Variants in CDH23 observed in about 807,000 individuals in gnomAD.
CDH23 encodes cadherin related 23, also known as cadherin-23.
A neutral mutation model predicts 317.1 loss-of-function variants in CDH23; 189 were observed. The ratio of observed to expected loss-of-function variants is 0.60; its 90% confidence interval spans 0.53 to 0.67. The LOEUF (loss-of-function observed/expected upper bound fraction) is 0.67. CDH23 is among the 30% of genes least tolerant of loss of function. The pLI, the probability that CDH23 is intolerant of heterozygous loss-of-function variation, is 0.00. For missense variants in CDH23, 4,401 were observed against 4,592.4 expected, an observed-to-expected ratio of 0.96 and a Z score of 1.20; for synonymous variants, 1,839 against 1,876.8, an observed-to-expected ratio of 0.98 and a Z score of 0.52.
At chr10:71,489,254 C>G (rs1018522162) in intron 3 of CDH23, among the ~76,000 whole-genome samples, 2 of 152,158 alleles carry the variant, frequency 1.3e-5, no homozygotes, top group Non-Finnish European at 2.9e-5. Flanking sequence ...CTTAGCCTTT[C>G]TGTTGTATTT....
At chr10:71,497,603 G>A (rs1245122574) in intron 3 of CDH23, among the ~76,000 whole-genome samples, 1 of 152,206 alleles carries the variant, frequency 6.6e-6, no homozygotes, top group African/African-American at 2.4e-5. Context: ...TTGGGAGCCG[G>A]GTTGGGTCTT....
At chr10:71,801,066 A>T (rs1451541116) in intron 53 of CDH23, among the ~76,000 whole-genome samples, 3 of 151,788 alleles carry the variant, frequency 2.0e-5, no homozygotes, top group Non-Finnish European at 4.4e-5. Context: ...GCCCAGTATC[A>T]CCATAGTGTC....
In CDH23 at chr10:71,686,699, C is replaced by A. The variant is rs892183436; in HGVS notation, c.1987-948C>A. ...CCAAAGACTGTAACATAAAGACTGC[C>A]CAACGGTGCCGGGACTCAGCCTGAC... On this transcript the variant is annotated intron_variant, in intron 18 of 69. Coordinates refer to ENST00000224721, the MANE Select transcript of CDH23 (RefSeq NM_022124.6). Among the ~76,000 whole-genome samples the A allele has an allele frequency of 3.3e-5, 5 of 152,206 alleles. No homozygotes were observed. The South Asian group carries it at 1.0e-3, about 32-fold the overall frequency.
At chr10:71,510,334 A>T in intron 4 of CDH23, 110 bp downstream of exon 4, 1 of 1,220,192 alleles carries the variant, frequency 8.2e-7, no homozygotes, top group Non-Finnish European at 1.2e-6. Context: ...CCCCATTCTG[A>T]CTCCACAGTG....
intron 9 of CDH23, among the ~76,000 whole-genome samples, chr10:71,602,458 G>A (rs1860285519): frequency 6.6e-6 from 1 of 152,166 alleles, no homozygotes. Flanking sequence ...GTGGAGCTAG[G>A]ATTTGAACTC....
intron 11 of CDH23, among the ~76,000 whole-genome samples, chr10:71,623,528 T>G (rs1036031748): frequency 3.3e-5 from 5 of 152,178 alleles, no homozygotes; most frequent in Non-Finnish European, 7.4e-5. Context: ...GGAGCTGATG[T>G]GGTCTGAGTC....
At chr10:71,695,554 C>G in intron 22 of CDH23, 29 bp downstream of exon 22, 3 of 1,497,034 alleles carry the variant, frequency 2.0e-6, no homozygotes, top group Non-Finnish European at 2.8e-6. Flanking sequence ...GCAGAACTGC[C>G]AGGCGGCCCT....
chr10:71,663,655 T>G lies in CDH23; in HGVS notation c.1450-11457T>G, dbSNP rs558684994. Reference sequence around the variant, plus strand: ...CCTTGTCCATAAAATGAAAGTAGTATTAGTACCTGTCTCATAGAGTGGGAG... The same window carrying G: ...CCTTGTCCATAAAATGAAAGTAGTAGTAGTACCTGTCTCATAGAGTGGGAG... On this transcript the variant is annotated intron_variant, in intron 14 of 69. Transcript: ENST00000224721. Among the ~76,000 whole-genome samples the G allele has an allele frequency of 2.0e-5, 3 of 152,362 alleles. No individual in the cohort carries two copies. In the South Asian group the frequency reaches 6.2e-4, roughly 32 times the overall value.
intron 14 of CDH23, among the ~76,000 whole-genome samples, chr10:71,670,385 G>A (rs145491479): frequency 1.3e-5 from 2 of 152,206 alleles, no homozygotes; most frequent in Non-Finnish European, 2.9e-5. Context: ...ATGCAAAAAT[G>A]AGTTAGACAA....
intron 66 of CDH23, 62 bp from the exon 67 acceptor site, chr10:71,812,418 G>C (rs1841966197): frequency 1.2e-6 from 2 of 1,610,116 alleles, no homozygotes; most frequent in Non-Finnish European, 1.7e-6. Flanking sequence ...GGTGAGGCTG[G>C]AAGGGCACCT....
intron 6 of CDH23, among the ~76,000 whole-genome samples, chr10:71,519,325 C>T (rs1318125664): frequency 1.3e-5 from 2 of 152,210 alleles, no homozygotes; most frequent in Admixed American, 6.5e-5. Flanking sequence ...CAGCCTCGCA[C>T]GCTGAGTCCA....
chr10:71,452,311 G>A (rs540512631), intron 3 of CDH23, among the ~76,000 whole-genome samples: 1 of 152,138 alleles, frequency 6.6e-6, no homozygotes, highest in Non-Finnish European at 1.5e-5. Context: ...ATGCCCTGGA[G>A]GGGGGCAGGG....
chr10:71,640,360 T>G (rs1424904158), intron 11 of CDH23, among the ~76,000 whole-genome samples: 2 of 152,250 alleles, frequency 1.3e-5, no homozygotes, highest in African/African-American at 4.8e-5. Flanking sequence ...AGGCCAATGC[T>G]CTTCAGTTCT....
At chr10:71,663,969 C>T (rs1863780228) in intron 14 of CDH23, among the ~76,000 whole-genome samples, 2 of 151,180 alleles carry the variant, frequency 1.3e-5, no homozygotes, top group South Asian at 4.2e-4. Flanking sequence ...CCACTGCACA[C>T]CAGCCTCGGC....
rs1237377183 is a variant in CDH23 at position 71,397,664 on chromosome 10, A to T, written c.-6+346A>T. 6.6e-6 allele frequency among the ~76,000 whole-genome samples: 1 copy of T among 152,066 alleles called. No individual in the cohort carries two copies. Among genetic ancestry groups the T allele is most frequent in the Non-Finnish European group, 1.5e-5 (1 of 68,006 alleles). On this transcript the variant is annotated intron_variant, in intron 1 of 69. Transcript: ENST00000224721. This position sits in a 1 kb window ranked among gnomAD's most constrained non-coding sequence, Gnocchi z 4.8. ...GCTCTCGGCGCTACGGAGAGGGTCC[A>T]GGTCTGGGGTGGAGAGATTTTCGAG...
intron 1 of CDH23, among the ~76,000 whole-genome samples, chr10:71,427,040 A>G (rs1049524709): frequency 6.6e-6 from 1 of 151,330 alleles, no homozygotes; most frequent in East Asian, 1.9e-4. Context: ...AGTCCCAGCT[A>G]CTCGGAAGGC....
At position 71,566,886 on chromosome 10, in the gene CDH23, G is replaced by A. The variant is rs199514829; in HGVS notation, c.574G>A (p.Glu192Lys). 15 of 1,613,722 alleles carry A rather than the reference G, an allele frequency of 9.3e-6. No homozygotes were observed. In the South Asian group the frequency reaches 1.6e-4, roughly 18 times the overall value. The change falls in exon 7 of 70, where the codon GAG becomes AAG. Residue 192 changes from glutamate to lysine, a missense_variant. Physicochemically the swap from Glu to Lys is moderately conservative, Grantham distance 56 (BLOSUM62 1). Transcript: ENST00000224721. ...CCGCGGTATCGTCACAGTGATCCGG[G>A]AGCTGGACTACGAGACCACACAGGC... ...SARGIVTVIR[E>K]LDYETTQAYQ...
Position 71,677,610 on chromosome 10 carries a change from A to C in CDH23, c.1669A>C (p.Asn557His). 1 of 1,604,174 alleles carries C rather than the reference A, an allele frequency of 6.2e-7. No homozygotes were observed. The highest frequency in any genetic ancestry group is 8.5e-7 in the Non-Finnish European group (1 of 1,175,690). Residue 557 changes from asparagine to histidine, a missense_variant, in exon 16 of 70, where the codon AAC (asparagine) becomes CAC (histidine). Coordinates refer to ENST00000224721, the MANE Select transcript of CDH23 (RefSeq NM_022124.6). ...GATCAATGTGTTGGATGTCAACGAC[A>C]ACGTGCCCACCTTCCAGAAGGATGC... Reference protein sequence around the residue: ...VRINVLDVNDNVPTFQKDAYV... With the variant: ...VRINVLDVNDHVPTFQKDAYV...
chr10:71,691,491 G>A (rs1375444102), intron 20 of CDH23, among the ~76,000 whole-genome samples: 3 of 152,108 alleles, frequency 2.0e-5, no homozygotes, highest in Admixed American at 6.5e-5. Flanking sequence ...AGGAACTGTC[G>A]ATGCTAAACA....
Sources: gnomAD v4.1 joint callset for allele counts (sites outside exome capture counted in the v4.1 genomes callset) on GRCh38, gnomAD v4.1.1 for gene constraint, Gnocchi (gnomAD v3.1) non-coding constraint, MANE v1.5 for transcripts, NCBI Gene and HGNC (gene_info 2026-07-23, HGNC 2026-07-21) for gene names.